Variants in DNAI7 observed in about 807,000 individuals in gnomAD.
The protein encoded by DNAI7 is cancer susceptibility 1.
A neutral mutation model predicts 86.6 loss-of-function variants in DNAI7; 78 were observed. That is an observed-to-expected ratio of 0.90 (90% confidence interval 0.75 to 1.09). The LOEUF (loss-of-function observed/expected upper bound fraction) is 1.09, where lower values mean the gene tolerates loss of function less well. Among genes scored for constraint, DNAI7 ranks in the 50% least tolerant of loss-of-function variants. The pLI is 0.00. For synonymous variants in DNAI7, 274 were observed against 273.0 expected (o/e 1.00, Z -0.04); for missense variants, 753 against 810.2 (o/e 0.93, Z 0.86).
intron 11 of DNAI7, 86 bp downstream of exon 11, chr12:25,121,667 G>A: frequency 9.0e-7 from 1 of 1,109,564 alleles, no homozygotes; most frequent in Non-Finnish European, 1.3e-6. Context: ...TAAGGTTAAA[G>A]CTTATTAGAT....
At chr12:25,183,121 A>T (rs554098610) in intron 2 of DNAI7, among the ~76,000 whole-genome samples, 3 of 152,138 alleles carry the variant, frequency 2.0e-5, no homozygotes, top group Non-Finnish European at 4.4e-5. Flanking sequence ...CCATTACCCT[A>T]AGTGAATTAA....
intron 2 of DNAI7, among the ~76,000 whole-genome samples, chr12:25,166,215 A>G (rs2141088919): frequency 6.6e-6 from 1 of 152,242 alleles, no homozygotes; most frequent in Middle Eastern, 3.4e-3. Flanking sequence ...AAAGCCTATA[A>G]ACTCTCCTTA....
chr12:25,135,547 G>C (rs1038792915), intron 9 of DNAI7, among the ~76,000 whole-genome samples: 1 of 152,128 alleles, frequency 6.6e-6, no homozygotes, highest in East Asian at 1.9e-4. Flanking sequence ...AGAGGGCAGC[G>C]GGGAGGGCAG....
intron 2 of DNAI7, among the ~76,000 whole-genome samples, chr12:25,182,916 GAAGAAAGGA>G (rs1026855113): frequency 2.0e-5 from 3 of 150,526 alleles, no homozygotes; most frequent in South Asian, 2.1e-4. Context: ...GAAGTGAAAA[GAAGAAAGGA>G]AAGAAAGGAA....
intron 2 of DNAI7, among the ~76,000 whole-genome samples, chr12:25,173,951 A>ATATATATCATATATATGGAATT (rs1565807850): frequency 7.0e-6 from 1 of 143,260 alleles, no homozygotes. Flanking sequence ...TATATGGAAT[A>ATATATATCATATATATGGAATT]CATATATCAT....
intron 2 of DNAI7, among the ~76,000 whole-genome samples, chr12:25,161,773 A>G (rs1400741349): frequency 2.0e-4 from 30 of 152,200 alleles, no homozygotes; most frequent in Admixed American, 2.0e-3. Flanking sequence ...GGATTGAAAG[A>G]GCATTGGATG....
chr12:25,114,888 A>G lies in DNAI7; in HGVS notation c.1397-18T>C. The G allele has an allele frequency of 6.5e-7, 1 of 1,545,074 alleles. No individual in the cohort carries two copies. Among genetic ancestry groups the G allele is most frequent in the South Asian group, 1.1e-5 (1 of 87,058 alleles). On this transcript the variant is annotated intron_variant, in intron 12 of 15. Coordinates refer to ENST00000395987, the MANE Select transcript of DNAI7 (RefSeq NM_018272.5). ...ATGTTTACCTTTATAATTGATGAAG[A>G]AAGTGACACTAGTTTCATTTTTTCC...
At position 25,114,515 on chromosome 12, in the gene DNAI7, G is replaced by T. The variant is rs1421678980; in HGVS notation, c.1611+141C>A. On this transcript the variant is annotated intron_variant, in intron 13 of 15. Transcript: ENST00000395987. ...ATTTCATTTAGAAATATAGCTCAAG[G>T]TACATTTTTAAGGTCATTATAAGAC... 6.9e-6 allele frequency: 4 copies of T among 579,282 alleles called. No individual in the cohort carries two copies. The East Asian group carries it at 8.5e-5, about 12-fold the overall frequency. 35.9% of individuals were successfully genotyped at this position (579,282 alleles called of 1,614,324 possible).
chr12:25,142,601 T>C (rs554805376), intron 9 of DNAI7, among the ~76,000 whole-genome samples: 129 of 152,320 alleles, frequency 8.5e-4, no homozygotes, highest in African/African-American at 3.0e-3. Context: ...TTTAGCCATG[T>C]AAATGCAAGT....
At position 25,144,426 on chromosome 12, in the gene DNAI7, T is replaced by C; in HGVS notation, c.941A>G (p.His314Arg). The change falls in exon 9 of 16, where the codon CAC (histidine) becomes CGC (arginine). Residue 314 changes from histidine (H) to arginine (R), a missense_variant. Transcript: ENST00000395987. ...TTTTATTTCTTCCTCCTGAATTAAG[T>C]GAGACCCTCTTTCTTGTTGTTTGGA... ...EESKQQERGS[H>R]LIQEEEIKVE... 6.2e-7 allele frequency: 1 copy of C among 1,614,110 alleles called. No individual in the cohort carries two copies. The highest frequency in any genetic ancestry group is 8.5e-7 in the Non-Finnish European group (1 of 1,179,932).
At chr12:25,121,260 A>G (rs1188521693) in intron 11 of DNAI7, among the ~76,000 whole-genome samples, 1 of 152,214 alleles carries the variant, frequency 6.6e-6, no homozygotes, top group African/African-American at 2.4e-5. Flanking sequence ...ACTGGAGTCC[A>G]TAAACTACGG....
intron 2 of DNAI7, among the ~76,000 whole-genome samples, chr12:25,175,499 G>A (rs999957091): frequency 1.3e-5 from 2 of 151,878 alleles, no homozygotes; most frequent in Non-Finnish European, 1.5e-5. Context: ...GGTGCCTGCC[G>A]CCACTCCAGG....
chr12:25,115,598 T>C (rs1939926457), intron 12 of DNAI7, among the ~76,000 whole-genome samples: 1 of 152,126 alleles, frequency 6.6e-6, no homozygotes. Context: ...TATTAGTAAT[T>C]AGGGAAATAA....
At chr12:25,148,848 A>G (rs1945168286) in intron 7 of DNAI7, among the ~76,000 whole-genome samples, 1 of 152,184 alleles carries the variant, frequency 6.6e-6, no homozygotes, top group Non-Finnish European at 1.5e-5. Flanking sequence ...CTAGCACAGT[A>G]AGATAATCCA....
chr12:25,153,115 T>C (rs1248093506), intron 6 of DNAI7, among the ~76,000 whole-genome samples: 2 of 152,158 alleles, frequency 1.3e-5, no homozygotes, highest in South Asian at 2.1e-4. Flanking sequence ...AATTTTCCAA[T>C]CCAACTTTTG....
chr12:25,144,058 C>G (rs1944522760), intron 9 of DNAI7, among the ~76,000 whole-genome samples: 1 of 152,036 alleles, frequency 6.6e-6, no homozygotes, highest in Non-Finnish European at 1.5e-5. Context: ...GGCAAGTTCC[C>G]TTGAATTTGA....
chr12:25,158,415 T>TA, intron 4 of DNAI7, 57 bp downstream of exon 4: 1 of 1,389,698 alleles, frequency 7.2e-7, no homozygotes, highest in South Asian at 1.2e-5. Context: ...TAAATGACAA[T>TA]AAATCTGATA....
At chr12:25,190,582 C>A in intron 2 of DNAI7, 32 bp downstream of exon 2, 1 of 1,096,196 alleles carries the variant, frequency 9.1e-7, no homozygotes, top group Non-Finnish European at 1.3e-6. Context: ...AGTGATTATA[C>A]AACTATCTAT....
chr12:25,187,903 A>G (rs573252518), intron 2 of DNAI7, among the ~76,000 whole-genome samples: 8 of 124 alleles, frequency 0.065, no homozygotes, highest in East Asian at 0.4. Context: ...AATGCAGAGC[A>G]AAAAAAAAAG....
Sources: allele counts gnomAD v4.1 joint callset (sites outside exome capture counted in the v4.1 genomes callset), GRCh38; gene constraint gnomAD v4.1.1; transcripts MANE v1.5; gene names NCBI Gene and HGNC (gene_info 2026-07-23, HGNC 2026-07-21).